Variants in DMD observed in about 807,000 individuals in gnomAD.
The protein encoded by DMD is dystrophin, also known as mutant dystrophin.
DMD carries 63 observed loss-of-function variants against 330.1 expected under a neutral mutation model. The ratio of observed to expected loss-of-function variants is 0.19; its 90% confidence interval spans 0.16 to 0.24. The LOEUF is 0.24. Among genes scored for constraint, DMD ranks in the 10% least tolerant of loss-of-function variants. DMD has a pLI of 1.00. For missense variants in DMD, 3,344 were observed against 2,684.1 expected (o/e 1.25, Z -5.43); for synonymous variants, 1,223 against 959.8 (o/e 1.27, Z -5.07).
intron 1 of DMD, among the ~76,000 whole-genome samples, chrX:33,194,706 C>T (rs2050832130): frequency 9.0e-6 from 1 of 110,828 alleles, no homozygotes. Flanking sequence ...AGAGGGCCTA[C>T]TACTTCAGTA....
At chrX:31,664,075 T>C (rs1457018273) in intron 53 of DMD, among the ~76,000 whole-genome samples, 2 of 111,601 alleles carry the variant, frequency 1.8e-5, no homozygotes, top group African/African-American at 3.3e-5. Flanking sequence ...TTGAGCTTGG[T>C]CATGCGCCTT....
intron 1 of DMD, among the ~76,000 whole-genome samples, chrX:33,292,114 C>A (rs995602239): frequency 2.7e-5 from 3 of 111,079 alleles, no homozygotes; most frequent in African/African-American, 9.8e-5. Flanking sequence ...CCGTAACAAT[C>A]TTTGGGGTTT....
chrX:32,785,194 T>C (rs1301919026), intron 7 of DMD, among the ~76,000 whole-genome samples: 2 of 99,287 alleles, frequency 2.0e-5, no homozygotes, highest in African/African-American at 8.5e-5. Flanking sequence ...TCGTGCTCTA[T>C]AAAAGCATTA....
At chrX:31,824,121 T>C (rs904299976) in intron 49 of DMD, among the ~76,000 whole-genome samples, 1 of 111,989 alleles carries the variant, frequency 8.9e-6, no homozygotes, top group Non-Finnish European at 1.9e-5. Flanking sequence ...CACCAGTGTA[T>C]ACCGGAGAAG....
At chrX:31,510,577 G>A (rs1183946217) in intron 55 of DMD, among the ~76,000 whole-genome samples, 4 of 99,485 alleles carry the variant, frequency 4.0e-5, no homozygotes, top group Non-Finnish European at 8.0e-5. Flanking sequence ...GCGCGATCTT[G>A]GCTCACTGCA....
intron 61 of DMD, among the ~76,000 whole-genome samples, chrX:31,323,944 C>T (rs1264390225): frequency 9.2e-6 from 1 of 109,010 alleles, no homozygotes. Flanking sequence ...AGTAGACTGA[C>T]GGGGTTTCTT....
At chrX:32,377,060 C>T (rs752524051) in intron 34 of DMD, among the ~76,000 whole-genome samples, 7 of 111,467 alleles carry the variant, frequency 6.3e-5, no homozygotes, top group Non-Finnish European at 9.4e-5. Flanking sequence ...TTTAAGGTGA[C>T]TTCTGATTCT....
At chrX:32,715,207 G>C (rs1433639785) in intron 7 of DMD, among the ~76,000 whole-genome samples, 2 of 110,984 alleles carry the variant, frequency 1.8e-5, no homozygotes, top group African/African-American at 6.6e-5. Flanking sequence ...GGCCAGGCGT[G>C]GTGGCTCATG....
intron 45 of DMD, among the ~76,000 whole-genome samples, chrX:31,965,571 G>A (rs2095343571): frequency 9.0e-6 from 1 of 111,391 alleles, no homozygotes; most frequent in African/African-American, 3.3e-5. Flanking sequence ...AAGACAAATA[G>A]GTAATTTTCT....
intron 1 of DMD, among the ~76,000 whole-genome samples, chrX:33,160,058 CACTTTA>C (rs748992323): frequency 7.0e-4 from 78 of 111,490 alleles, no homozygotes; most frequent in Non-Finnish European, 1.3e-3. Context: ...TTCTGGTTTT[CACTTTA>C]AGTACAGTAC....
At chrX:31,582,225 G>A (rs2076374815) in intron 55 of DMD, among the ~76,000 whole-genome samples, 2 of 112,017 alleles carry the variant, frequency 1.8e-5, no homozygotes, top group South Asian at 3.7e-4. Flanking sequence ...TCTGAAGTTT[G>A]AGGTTATTTT....
At chrX:33,178,164 A>T (rs984264524) in intron 1 of DMD, among the ~76,000 whole-genome samples, 1 of 112,089 alleles carries the variant, frequency 8.9e-6, no homozygotes, top group African/African-American at 3.3e-5. Context: ...TGCAAGGGAA[A>T]GTAAGCAGAA....
intron 1 of DMD, among the ~76,000 whole-genome samples, chrX:33,329,394 C>G (rs1490377061): frequency 8.9e-6 from 1 of 112,054 alleles, no homozygotes; most frequent in African/African-American, 3.2e-5. Flanking sequence ...ATTCTATGAC[C>G]TAATAATTCT....
At chrX:32,039,255 A>G (rs950847752) in intron 44 of DMD, among the ~76,000 whole-genome samples, 1 of 111,518 alleles carries the variant, frequency 9.0e-6, no homozygotes, top group African/African-American at 3.3e-5. Context: ...ATCTCATTAG[A>G]TACTCTCAAT....
At chrX:32,069,280 A>G (rs892313145) in intron 44 of DMD, among the ~76,000 whole-genome samples, 1 of 111,638 alleles carries the variant, frequency 9.0e-6, no homozygotes, top group Non-Finnish European at 1.9e-5. Context: ...AATATGTACA[A>G]TCTCTATGTA....
intron 7 of DMD, among the ~76,000 whole-genome samples, chrX:32,774,507 G>C (rs988207552): frequency 2.7e-5 from 3 of 111,436 alleles, no homozygotes; most frequent in Non-Finnish European, 5.6e-5. Flanking sequence ...TCACAGTTCC[G>C]CATGGCTGGG....
At chrX:32,240,590 G>A (rs1035657388) in intron 43 of DMD, among the ~76,000 whole-genome samples, 5 of 111,920 alleles carry the variant, frequency 4.5e-5, no homozygotes, top group Non-Finnish European at 9.4e-5. Context: ...TTTTCGTATT[G>A]CAGGTAGGCT....
At chrX:31,896,396 GAC>G (rs763998688) in intron 47 of DMD, among the ~76,000 whole-genome samples, 1 of 111,847 alleles carries the variant, frequency 8.9e-6, no homozygotes, top group South Asian at 3.7e-4. Flanking sequence ...AATTATTTCA[GAC>G]ACTGTATATT....
In DMD at chrX:32,638,332, G is replaced by A. The variant is rs1219006356; in HGVS notation, c.1331+5800C>T. Among the ~76,000 whole-genome samples, 3 of 111,814 alleles carry A rather than the reference G, an allele frequency of 2.7e-5. No homozygotes were observed. In the Admixed American group the frequency reaches 2.9e-4, roughly 11 times the overall value. Reference sequence around the variant, plus strand: ...AAAGTAATTAAAATATTTGGCCCACGTCACTTGATAGAAAAATAGGAACAG... The same window carrying A: ...AAAGTAATTAAAATATTTGGCCCACATCACTTGATAGAAAAATAGGAACAG... On this transcript the variant is annotated intron_variant, in intron 11 of 78. Transcript: ENST00000357033.
Sources: gnomAD v4.1 joint callset for allele counts (sites outside exome capture counted in the v4.1 genomes callset) on GRCh38, gnomAD v4.1.1 for gene constraint, MANE v1.5 for transcripts, NCBI Gene and HGNC (gene_info 2026-07-23, HGNC 2026-07-21) for gene names.